The following GRIA2 variants were observed in gnomAD, a reference collection of about 807,000 sequenced individuals.
The protein encoded by GRIA2 is glutamate ionotropic receptor AMPA type subunit 2, also known as glutamate receptor 2.
GRIA2 carries 14 observed loss-of-function variants against 97.3 expected under a neutral mutation model. The ratio of observed to expected loss-of-function variants is 0.14; its 90% CI spans 0.10 to 0.23. GRIA2 has a LOEUF of 0.23. Among genes scored for constraint, GRIA2 ranks in the 10% least tolerant of loss-of-function variants. GRIA2 has a pLI of 1.00. For synonymous variants in GRIA2, 412 were observed against 387.8 expected (o/e 1.06, Z -0.73); for missense variants, 558 against 1,069.8 (o/e 0.52, Z 6.67).
chr4:157,267,630 ATTG>A (rs1189525891), intron 2 of GRIA2, among the ~76,000 whole-genome samples: 1 of 151,926 alleles, frequency 6.6e-6, no homozygotes, highest in African/African-American at 2.4e-5. Context: ...TGGTTAGTTT[ATTG>A]TTGTTGTTTG....
At chr4:157,239,254 T>C (rs1730390968) in intron 2 of GRIA2, among the ~76,000 whole-genome samples, 1 of 152,152 alleles carries the variant, frequency 6.6e-6, no homozygotes, top group South Asian at 2.1e-4. Context: ...GCCTATAATA[T>C]ATGACACTCC....
At chr4:157,339,350 T>A (rs1448424765) in intron 11 of GRIA2, among the ~76,000 whole-genome samples, 2 of 152,014 alleles carry the variant, frequency 1.3e-5, no homozygotes, top group Non-Finnish European at 2.9e-5. Flanking sequence ...TTACTTTTAA[T>A]TGTAGAAGTA....
intron 6 of GRIA2, among the ~76,000 whole-genome samples, chr4:157,328,665 T>G (rs1365719989): frequency 2.6e-5 from 4 of 151,988 alleles, no homozygotes. Flanking sequence ...TCTTGGTGAA[T>G]CTGATTAGCT....
At chr4:157,319,646 G>A (rs977517372) in intron 5 of GRIA2, among the ~76,000 whole-genome samples, 1 of 152,100 alleles carries the variant, frequency 6.6e-6, no homozygotes, top group African/African-American at 2.4e-5. Context: ...AATGCCACCC[G>A]AAGTTGAAGG....
At chr4:157,338,012 A>ATATATATATATATATATATGTG (rs1735370675) in intron 11 of GRIA2, among the ~76,000 whole-genome samples, 1 of 4,412 alleles carries the variant, frequency 2.3e-4, no homozygotes, top group Non-Finnish European at 5.7e-4. Context: ...ATATGTGTAT[A>ATATATATATATATATATATGTG]TATATATATA....
At chr4:157,354,047 A>C (rs1736139308) in intron 12 of GRIA2, among the ~76,000 whole-genome samples, 1 of 152,136 alleles carries the variant, frequency 6.6e-6, no homozygotes, top group South Asian at 2.1e-4. Flanking sequence ...TTTTATGCTC[A>C]CTTGATTCAT....
chr4:157,230,550 C>T (rs970719928), intron 2 of GRIA2, among the ~76,000 whole-genome samples: 3 of 133,172 alleles, frequency 2.3e-5, no homozygotes, highest in Admixed American at 8.0e-5. Context: ...TTCCTTCCTT[C>T]CTTCCTTCTT....
chr4:157,330,331 G>A (rs559492985), intron 6 of GRIA2, among the ~76,000 whole-genome samples: 14 of 151,866 alleles, frequency 9.2e-5, no homozygotes, highest in East Asian at 5.8e-4. Flanking sequence ...TCTGAAAGTC[G>A]CCATTCATGG....
intron 2 of GRIA2, among the ~76,000 whole-genome samples, chr4:157,272,513 T>G (rs1253018798): frequency 6.6e-6 from 1 of 152,072 alleles, no homozygotes; most frequent in African/African-American, 2.4e-5. Context: ...GATAAATCTT[T>G]GAGTTAAAAA....
At chr4:157,315,357 A>T (rs1734263186) in intron 4 of GRIA2, among the ~76,000 whole-genome samples, 1 of 151,596 alleles carries the variant, frequency 6.6e-6, no homozygotes, top group Non-Finnish European at 1.5e-5. Flanking sequence ...CCTGGCAAAA[A>T]ATGAGGATAA....
intron 11 of GRIA2, among the ~76,000 whole-genome samples, chr4:157,338,698 A>G (rs894904322): frequency 1.3e-4 from 20 of 151,960 alleles, no homozygotes; most frequent in African/African-American, 4.4e-4. Context: ...CTTGTTATTG[A>G]TTGGTATTTT....
At chr4:157,288,245 G>A (rs780233876) in intron 2 of GRIA2, among the ~76,000 whole-genome samples, 4 of 151,550 alleles carry the variant, frequency 2.6e-5, no homozygotes, top group South Asian at 2.1e-4. Context: ...AATCTTTGAC[G>A]TCACCTGGTC....
intron 2 of GRIA2, among the ~76,000 whole-genome samples, chr4:157,282,050 A>G (rs1229518802): frequency 1.3e-5 from 2 of 152,154 alleles, no homozygotes; most frequent in African/African-American, 2.4e-5. Context: ...TGTTTTCACT[A>G]ACACAACACA....
Position 157,335,888 on chromosome 4 carries a change from C to A in GRIA2, c.1473+11C>A, listed in dbSNP as rs1407500733. On this transcript the variant is annotated intron_variant, in intron 10 of 15. Transcript: ENST00000264426. ...GAACTTGTATATGGGGTAAGTATAG[C>A]TCTTCTCATAGATAAAGTCATTCAA... The A allele has an allele frequency of 1.3e-6, 2 of 1,519,042 alleles. No homozygotes were observed. The highest frequency in any genetic ancestry group is 1.7e-5 in the Admixed American group (1 of 59,004). The allele number at this position is 1,519,042 out of a possible 1,614,324, so 94.1% of individuals were successfully genotyped here. A position where few individuals can be genotyped will look rare whatever the true frequency, so the allele number is the denominator to read the frequency against.
rs756291535 is a variant in GRIA2 at position 157,361,509 on chromosome 4, A to T, written c.2406+385A>T. On this transcript the variant is annotated intron_variant, in intron 14 of 15. Coordinates refer to ENST00000264426, the MANE Select transcript of GRIA2 (RefSeq NM_001083619.3). The surrounding 1 kb of genome is among the most constrained non-coding windows in gnomAD (Gnocchi z 5.2). The stretch of plus-strand genomic sequence containing the variant: ...TGAATAACATAAAATAACATTGATA[A>T]TGTTATTTATGTTATTTTCCACGTG... The T allele has an allele frequency of 1.5e-6, 2 of 1,344,648 alleles. No individual in the cohort carries two copies. Among genetic ancestry groups the T allele is most frequent in the Non-Finnish European group, 1.1e-6 (1 of 935,386 alleles). The allele number at this position is 1,344,648 out of a possible 1,614,324, so 83.3% of individuals were successfully genotyped here.
chr4:157,363,388 A>G (rs1453877093), intron 15 of GRIA2, 47 bp from the exon 16 acceptor site: 10 of 1,186,044 alleles, frequency 8.4e-6, no homozygotes, highest in Non-Finnish European at 1.1e-5. Context: ...TTTGAAAACC[A>G]TAACGTATGA....
intron 2 of GRIA2, among the ~76,000 whole-genome samples, chr4:157,233,633 A>C (rs1730119411): frequency 6.6e-6 from 1 of 152,068 alleles, no homozygotes; most frequent in Non-Finnish European, 1.5e-5. Context: ...ATGAGAAAAT[A>C]AATGCTTAGA....
chr4:157,316,275 T>G (rs1441947710), intron 4 of GRIA2, among the ~76,000 whole-genome samples: 1 of 152,176 alleles, frequency 6.6e-6, no homozygotes, highest in Non-Finnish European at 1.5e-5. Context: ...ATTCTCCCCT[T>G]AACACGGAGG....
chr4:157,307,878 A>G (rs1283131789), intron 3 of GRIA2, among the ~76,000 whole-genome samples: 1 of 152,244 alleles, frequency 6.6e-6, no homozygotes, highest in Non-Finnish European at 1.5e-5. Context: ...CTTTCAAATT[A>G]TAATTTTTTC....
Sources: allele counts gnomAD v4.1 joint callset (sites outside exome capture counted in the v4.1 genomes callset), GRCh38; gene constraint gnomAD v4.1.1; non-coding constraint Gnocchi (gnomAD v3.1); transcripts MANE v1.5; gene names NCBI Gene and HGNC (gene_info 2026-07-23, HGNC 2026-07-21).